Variants in HNF4A observed in about 807,000 individuals in gnomAD.
HNF4A encodes the protein hepatocyte nuclear factor 4-alpha.
A neutral mutation model predicts 52.4 loss-of-function variants in HNF4A; 15 were observed. The observed-to-expected ratio is 0.29, with a 90% CI of 0.19 to 0.44. The LOEUF (loss-of-function observed/expected upper bound fraction) is 0.44. Among genes scored for constraint, HNF4A ranks in the 20% least tolerant of loss-of-function variants. The pLI is 1.00. For synonymous variants in HNF4A, 280 were observed against 264.4 expected, an observed-to-expected ratio of 1.06 and a Z score of -0.57; for missense variants, 479 against 647.2, an observed-to-expected ratio of 0.74 and a Z score of 2.82.
intron 1 of HNF4A, among the ~76,000 whole-genome samples, chr20:44,385,211 C>T (rs1003799104): frequency 6.6e-6 from 1 of 151,450 alleles, no homozygotes; most frequent in Admixed American, 6.6e-5. Flanking sequence ...GGAGAGGGTC[C>T]AGGTGGGTAG....
At chr20:44,397,633 T>TC (rs1304656330), upstream of HNF4A, among the ~76,000 whole-genome samples, 7 of 147,232 alleles carry the variant, frequency 4.8e-5, no homozygotes, top group East Asian at 5.8e-4. Context: ...AAAACATTCT[T>TC]TTTTTTTTTT....
intron 5 of HNF4A, among the ~76,000 whole-genome samples, chr20:44,417,935 C>G (rs2063687879): frequency 1.3e-5 from 2 of 150,276 alleles, no homozygotes; most frequent in African/African-American, 4.9e-5. Context: ...TGCCACTGCA[C>G]TCCAGCCTGG....
intron 1 of HNF4A, among the ~76,000 whole-genome samples, chr20:44,378,880 C>T (rs1286235898): frequency 6.7e-5 from 10 of 149,852 alleles, no homozygotes; most frequent in Admixed American, 6.7e-5. Flanking sequence ...GATCGCACCA[C>T]TGCACTCCAG....
At chr20:44,358,364 C>A (rs558393621) in intron 1 of HNF4A, among the ~76,000 whole-genome samples, 1 of 152,172 alleles carries the variant, frequency 6.6e-6, no homozygotes, top group South Asian at 2.1e-4. Context: ...AATCCCAGCA[C>A]TTTGGGAGGC....
Position 44,385,057 on chromosome 20 carries a change from A to ATTTTTT in HNF4A, c.50-21000_50-20999insTTTTTT, listed in dbSNP as rs1491454694. Among the ~76,000 whole-genome samples, 13 of 29,918 alleles carry ATTTTTT rather than the reference A, an allele frequency of 4.3e-4. 1 individual carries two copies. Among genetic ancestry groups the ATTTTTT allele is most frequent in the South Asian group, 2.3e-3 (1 of 426 alleles). The allele number at this position is 29,918 out of a possible 152,430, so 19.6% of individuals were successfully genotyped here. The stretch of plus-strand genomic sequence containing the variant: ...TAAGTGGTTTCAGCTGAACTCTGTG[A>ATTTTTT]TCTTTTTTTTTTTTTTTTTTTTTTT... On this transcript the variant is annotated intron_variant, in intron 1 of 9. Transcript: ENST00000316673.
At position 44,428,493 on chromosome 20, in the gene HNF4A, CAAACTCTGGG is replaced by C. The variant is rs2063839560; in HGVS notation, c.1282+8_1282+17del. On this transcript the variant is annotated splice_region_variant and intron_variant, in intron 9 of 9. Coordinates refer to ENST00000316099, the MANE Select transcript of HNF4A (RefSeq NM_000457.6). ...CCGACCCAGGGGACAGGCAGGTGGG[CAAACTCTGGG>C]ATTTTACCTTGCAAAGGGTGAGGAT... is the stretch of plus-strand genomic sequence containing the variant. The C allele has an allele frequency of 6.2e-7, 1 of 1,613,246 alleles. No homozygotes were observed.
chr20:44,387,463 C>CGT (rs1555810248), intron 1 of HNF4A, among the ~76,000 whole-genome samples: 1 of 150,754 alleles, frequency 6.6e-6, no homozygotes, highest in Non-Finnish European at 1.5e-5. Flanking sequence ...AAAACAAGGG[C>CGT]GTGCATGGCC....
At chr20:44,395,978 C>A (rs6031583) in intron 1 of HNF4A, among the ~76,000 whole-genome samples, 4 of 152,138 alleles carry the variant, frequency 2.6e-5, no homozygotes, top group African/African-American at 7.2e-5. Flanking sequence ...GCCTATACCC[C>A]GGGATAAGGT....
chr20:44,413,609 G>T, intron 3 of HNF4A, 85 bp from the exon 4 acceptor site: 1 of 927,666 alleles, frequency 1.1e-6, no homozygotes, highest in Non-Finnish European at 1.7e-6. Context: ...CCCACCTCCT[G>T]CTCCCACTCC....
chr20:44,389,334 G>GTA (rs2063273714), intron 1 of HNF4A, among the ~76,000 whole-genome samples: 1 of 152,164 alleles, frequency 6.6e-6, no homozygotes, highest in East Asian at 1.9e-4. Context: ...TGTGAGGGAG[G>GTA]GTGTAGGGTT....
At chr20:44,378,929 AAAAAAG>A (rs1429502386) in intron 1 of HNF4A, among the ~76,000 whole-genome samples, 14 of 151,554 alleles carry the variant, frequency 9.2e-5, no homozygotes, top group African/African-American at 2.7e-4. Context: ...AAAAAAAAAA[AAAAAAG>A]AAAAGAAAAG....
At chr20:44,371,757 G>GGAGATTGCCGTGAGCC (rs2063036415) in intron 1 of HNF4A, among the ~76,000 whole-genome samples, 1 of 152,096 alleles carries the variant, frequency 6.6e-6, no homozygotes, top group African/African-American at 2.4e-5. Flanking sequence ...CCCAGGAGGT[G>GGAGATTGCCGTGAGCC]GAGATTGCCG....
chr20:44,419,643 C>T, intron 6 of HNF4A, 78 bp from the exon 7 acceptor site: 1 of 1,437,366 alleles, frequency 7.0e-7, no homozygotes, highest in Non-Finnish European at 9.7e-7. Flanking sequence ...GCTATCTTGC[C>T]AACTTAAAAG....
intron 1 of HNF4A, among the ~76,000 whole-genome samples, chr20:44,362,972 G>A (rs1217905432): frequency 6.6e-6 from 1 of 151,834 alleles, no homozygotes; most frequent in Admixed American, 6.6e-5. Flanking sequence ...CTCCTGAGTA[G>A]CTGGGATTGT....
At chr20:44,379,612 T>G (rs1262679563) in intron 1 of HNF4A, among the ~76,000 whole-genome samples, 1 of 151,996 alleles carries the variant, frequency 6.6e-6, no homozygotes, top group Non-Finnish European at 1.5e-5. Context: ...AGTGCAGTAG[T>G]GCAGTCTCAG....
rs1292143041 is a variant in HNF4A at position 44,401,333 on chromosome 20, C to T, written c.-40C>T. On this transcript the variant is annotated 5_prime_UTR_variant, in exon 1 of 10. Coordinates refer to ENST00000316099, the MANE Select transcript of HNF4A (RefSeq NM_000457.6). ...GGGCGGGGGCCTTCGGGGTGGGCGCCCAGGGTAGGGCAGGTGGCCGCGGCG... is the reference window on the plus strand; with the variant it reads ...GGGCGGGGGCCTTCGGGGTGGGCGCTCAGGGTAGGGCAGGTGGCCGCGGCG... 7 of 1,613,224 alleles carry T rather than the reference C, an allele frequency of 4.3e-6. No homozygotes were observed. The highest frequency in any genetic ancestry group is 1.7e-4 in the Middle Eastern group (1 of 5,978).
At chr20:44,409,569 G>A (rs765747392) in intron 3 of HNF4A, among the ~76,000 whole-genome samples, 6 of 152,144 alleles carry the variant, frequency 3.9e-5, no homozygotes, top group Non-Finnish European at 5.9e-5. Context: ...CAGCCCTCCT[G>A]AGTGGATGGC....
At chr20:44,366,762 A>G (rs754148584) in intron 1 of HNF4A, among the ~76,000 whole-genome samples, 6 of 152,262 alleles carry the variant, frequency 3.9e-5, no homozygotes, top group African/African-American at 7.2e-5. Context: ...ATAGCATATT[A>G]AAGCATTAAT....
chr20:44,432,019 G>A lies in HNF4A; in HGVS notation c.*2354G>A, dbSNP rs2063883680. On this transcript the variant is annotated 3_prime_UTR_variant, in exon 10 of 10. Coordinates refer to ENST00000316099, the MANE Select transcript of HNF4A (RefSeq NM_000457.6). The stretch of plus-strand genomic sequence containing the variant: ...CCTGCCAGACGGCTCAGCCTGGTCT[G>A]CGGTAAGGCAGGGAGGCTGGAACCA... 1 of 152,274 alleles carries A rather than the reference G, an allele frequency of 6.6e-6. No homozygotes were observed. The highest frequency in any genetic ancestry group is 2.4e-5 in the African/African-American group (1 of 41,444). 9.4% of individuals were successfully genotyped at this position (152,274 alleles called of 1,614,324 possible).
Sources: allele counts gnomAD v4.1 joint callset (sites outside exome capture counted in the v4.1 genomes callset), GRCh38; gene constraint gnomAD v4.1.1; transcripts MANE v1.5; gene names NCBI Gene and HGNC (gene_info 2026-07-23, HGNC 2026-07-21).